The following PPP2R2C variants were observed in gnomAD, a reference collection of about 807,000 sequenced individuals.
The protein encoded by PPP2R2C is protein phosphatase 2 regulatory subunit Bgamma, also known as protein phosphatase 2, regulatory subunit B, gamma.
Under a neutral mutation model 45.3 loss-of-function variants are expected in PPP2R2C, and 10 were observed. That is an observed-to-expected ratio of 0.22 (90% confidence interval 0.14 to 0.37). The LOEUF is 0.37. Among genes scored for constraint, PPP2R2C ranks in the 10% least tolerant of loss-of-function variants. The pLI, the probability that PPP2R2C is intolerant of heterozygous loss-of-function variation, is 1.00. For synonymous variants in PPP2R2C, 257 were observed against 245.4 expected, an observed-to-expected ratio of 1.05 and a Z score of -0.44; for missense variants, 308 against 619.7, an observed-to-expected ratio of 0.50 and a Z score of 5.34.
At chr4:6,401,518 C>T (rs1191665921) in intron 1 of PPP2R2C, among the ~76,000 whole-genome samples, 1 of 151,960 alleles carries the variant, frequency 6.6e-6, no homozygotes, top group African/African-American at 2.4e-5. Flanking sequence ...CTTCCAGAGA[C>T]CAAGGGCAAG....
At chr4:6,472,049 G>T in intron 1 of PPP2R2C, 111 bp downstream of exon 1, 2 of 1,302,366 alleles carry the variant, frequency 1.5e-6, no homozygotes, top group South Asian at 1.4e-5. Flanking sequence ...GTGGGGTGGG[G>T]CGGGGGGACA....
chr4:6,428,900 T>A (rs556535102), intron 1 of PPP2R2C, among the ~76,000 whole-genome samples: 1 of 152,342 alleles, frequency 6.6e-6, no homozygotes, highest in East Asian at 1.9e-4. Context: ...TGACTCCTGG[T>A]CCTGCAAGGT....
chr4:6,455,910 C>T (rs1720999115), intron 1 of PPP2R2C, among the ~76,000 whole-genome samples: 1 of 4,312 alleles, frequency 2.3e-4, no homozygotes, highest in African/African-American at 2.5e-4. Context: ...TGCTCCCAGG[C>T]TGCAACGGGC....
At chr4:6,377,950 G>T (rs1345301044) in intron 3 of PPP2R2C, among the ~76,000 whole-genome samples, 1 of 152,204 alleles carries the variant, frequency 6.6e-6, no homozygotes, top group Non-Finnish European at 1.5e-5. Flanking sequence ...CCGCAAGGCC[G>T]CGGTGACAGC....
chr4:6,397,031 C>T (rs1042379353), intron 1 of PPP2R2C, among the ~76,000 whole-genome samples: 16 of 152,242 alleles, frequency 1.1e-4, no homozygotes, highest in African/African-American at 3.4e-4. Context: ...CGCACTGATG[C>T]GAGCCAGCTC....
At chr4:6,336,205 C>G (rs1732833664) in intron 6 of PPP2R2C, among the ~76,000 whole-genome samples, 1 of 152,116 alleles carries the variant, frequency 6.6e-6, no homozygotes, top group South Asian at 2.1e-4. Context: ...CCAACCCACC[C>G]CTCCACACGC....
Position 6,424,561 on chromosome 4 carries a change from C to T in PPP2R2C, c.71-43467G>A, listed in dbSNP as rs563719336. 7.2e-5 allele frequency among the ~76,000 whole-genome samples: 11 copies of T among 152,236 alleles called. No individual in the cohort carries two copies. In the South Asian group the frequency reaches 1.2e-3, roughly 17 times the overall value. On this transcript the variant is annotated intron_variant, in intron 1 of 8. Transcript: ENST00000382599. ...GAGACCTGTGGATACACAGGGAGGC[C>T]GGAGAGCCAGACCTCGCCAGGCAGT...
intron 5 of PPP2R2C, chr4:6,348,908 C>T: frequency 2.4e-6 from 2 of 817,038 alleles, no homozygotes; most frequent in Non-Finnish European, 3.0e-6. Flanking sequence ...TTGCTGCTTG[C>T]AAAGGCAGTA....
chr4:6,327,647 T>C (rs942654432), intron 8 of PPP2R2C, among the ~76,000 whole-genome samples: 9 of 152,316 alleles, frequency 5.9e-5, no homozygotes, highest in African/African-American at 2.2e-4. Flanking sequence ...GGAGGAGCCC[T>C]GTCTGCTGGG....
At position 6,333,634 on chromosome 4, in the gene PPP2R2C, C is replaced by T; in HGVS notation, c.888G>A (p.Met296Ile). The part of the protein sequence containing the change: ...DVKFSHSGRY[M>I]LTRDYLTVKV... The stretch of plus-strand genomic sequence containing the variant: ...TGACTGTAAGGTAGTCCCGGGTGAG[C>T]ATGTAGCGGCCGCTGTGGCTGAACT... Residue 296 changes from methionine (M) to isoleucine (I), a missense_variant, in exon 7 of 9, where the codon ATG (methionine) becomes ATA (isoleucine). Transcript: ENST00000382599. 1 of 1,614,138 alleles carries T rather than the reference C, an allele frequency of 6.2e-7. No homozygotes were observed. Among genetic ancestry groups the T allele is most frequent in the Non-Finnish European group, 8.5e-7 (1 of 1,180,016 alleles).
At chr4:6,333,464 A>G (rs1732580496) in intron 7 of PPP2R2C, 98 bp downstream of exon 7, 1 of 1,378,316 alleles carries the variant, frequency 7.3e-7, no homozygotes, top group Non-Finnish European at 9.9e-7. Flanking sequence ...CATACCGGGC[A>G]TATGAAAGCC....
chr4:6,541,709 C>T (rs1724807592), intron 1 of PPP2R2C, among the ~76,000 whole-genome samples: 1 of 152,168 alleles, frequency 6.6e-6, no homozygotes, highest in South Asian at 2.1e-4. Flanking sequence ...TCACGCTCAG[C>T]TAATTTTTGT....
chr4:6,453,044 T>C (rs927124611), intron 1 of PPP2R2C, among the ~76,000 whole-genome samples: 2 of 152,156 alleles, frequency 1.3e-5, no homozygotes, highest in Non-Finnish European at 1.5e-5. Context: ...AGAGCCAGGA[T>C]GGATGCGTGT....
chr4:6,325,519 C>T (rs1731871360), intron 8 of PPP2R2C, among the ~76,000 whole-genome samples: 1 of 152,176 alleles, frequency 6.6e-6, no homozygotes, highest in Admixed American at 6.5e-5. Flanking sequence ...GAACAGTTCA[C>T]AGAATGAACC....
intron 1 of PPP2R2C, among the ~76,000 whole-genome samples, chr4:6,387,944 CT>C: frequency 6.6e-6 from 1 of 152,360 alleles, no homozygotes; most frequent in Admixed American, 6.5e-5. Context: ...CTTGGTCAAA[CT>C]TTCCCAAAGT....
At chr4:6,495,755 G>T (rs532730469) in intron 2 of PPP2R2C, among the ~76,000 whole-genome samples, 2 of 152,326 alleles carry the variant, frequency 1.3e-5, no homozygotes, top group East Asian at 3.9e-4. Context: ...GAGGCTCTTC[G>T]GCTGGCCCTT....
chr4:6,356,864 G>A (rs189965439), intron 5 of PPP2R2C, among the ~76,000 whole-genome samples: 48 of 152,144 alleles, frequency 3.2e-4, no homozygotes, highest in African/African-American at 7.7e-4. Context: ...TGCAGCCACC[G>A]GCATGAGACA....
chr4:6,323,028 A>C lies in PPP2R2C; in HGVS notation c.*274T>G. 2 of 358,736 alleles carry C rather than the reference A, an allele frequency of 5.6e-6. No homozygotes were observed. Among genetic ancestry groups the C allele is most frequent in the Non-Finnish European group, 1.0e-5 (2 of 199,634 alleles). 22.2% of individuals were successfully genotyped at this position (358,736 alleles called of 1,614,324 possible). On this transcript the variant is annotated 3_prime_UTR_variant, in exon 9 of 9. Coordinates refer to ENST00000382599, the MANE Select transcript of PPP2R2C (RefSeq NM_020416.4). ...GAATGAAAGAACCCTGAACTGTAAG[A>C]CTCCACAGTCATGTCCATTTTATGA...
intron 2 of PPP2R2C, chr4:6,523,659 C>T (rs553273602): frequency 5.9e-5 from 9 of 152,178 alleles, no homozygotes; most frequent in Admixed American, 3.9e-4. Flanking sequence ...AGCTTGGTAC[C>T]GCCGCAACAA....
Sources: gnomAD v4.1 joint callset for allele counts (sites outside exome capture counted in the v4.1 genomes callset) on GRCh38, gnomAD v4.1.1 for gene constraint, MANE v1.5 for transcripts, NCBI Gene and HGNC (gene_info 2026-07-23, HGNC 2026-07-21) for gene names.